The following HOMER2 variants were observed in gnomAD, a reference collection of about 807,000 sequenced individuals.
The protein encoded by HOMER2 is homer scaffold protein 2.
A neutral mutation model predicts 47.0 loss-of-function variants in HOMER2; 27 were observed. The ratio of observed to expected loss-of-function variants is 0.57; its 90% CI spans 0.42 to 0.79. The LOEUF is 0.79. Ranked by LOEUF, HOMER2 falls within the 30% of genes least tolerant of loss-of-function variation. The pLI, the probability that HOMER2 is intolerant of heterozygous loss-of-function variation, is 0.00. For synonymous variants in HOMER2, 161 were observed against 163.8 expected (o/e 0.98, Z 0.13); for missense variants, 443 against 435.0 (o/e 1.02, Z -0.16).
exon 2 of HOMER2, chr15:82,958,571 G>A (rs980423454): frequency 1.3e-5 from 2 of 152,316 alleles, no homozygotes; most frequent in Non-Finnish European, 2.9e-5. Context: ...TAGCTTCTCT[G>A]GCAGCAGATG....
At chr15:82,874,570 G>C (rs2052282880) in intron 3 of HOMER2, among the ~76,000 whole-genome samples, 2 of 152,078 alleles carry the variant, frequency 1.3e-5, no homozygotes, top group Non-Finnish European at 2.9e-5. Flanking sequence ...ACCATCCAAG[G>C]AGTTTGTCCC....
intron 2 of HOMER2, among the ~76,000 whole-genome samples, chr15:82,889,384 C>T (rs938464856): frequency 1.3e-5 from 2 of 152,156 alleles, no homozygotes; most frequent in African/African-American, 4.8e-5. Context: ...GAGCTCCAGG[C>T]TTGGGTAGCC....
chr15:82,906,769 G>A (rs989672751), intron 1 of HOMER2, among the ~76,000 whole-genome samples: 1 of 152,102 alleles, frequency 6.6e-6, no homozygotes, highest in South Asian at 2.1e-4. Flanking sequence ...GACACATATA[G>A]ATTAAAAGCA....
At chr15:82,947,188 C>G (rs1346234491) in intron 1 of HOMER2, among the ~76,000 whole-genome samples, 2 of 152,182 alleles carry the variant, frequency 1.3e-5, no homozygotes, top group East Asian at 3.8e-4. Flanking sequence ...ACAAACTCAC[C>G]TCAACATATC....
intron 1 of HOMER2, among the ~76,000 whole-genome samples, chr15:82,911,752 C>T (rs958564834): frequency 4.6e-5 from 7 of 152,240 alleles, no homozygotes; most frequent in South Asian, 4.2e-4. Flanking sequence ...ATTTCACGGC[C>T]GGGTGAGGTG....
At chr15:82,897,342 G>A (rs145150278) in intron 1 of HOMER2, among the ~76,000 whole-genome samples, 5,484 of 152,060 alleles carry the variant, frequency 0.036, 317 homozygotes, top group African/African-American at 0.13. Flanking sequence ...GGGATTACAG[G>A]CTTGAGCCAC....
At chr15:82,976,050 C>G (rs953076798) in intron 1 of HOMER2, among the ~76,000 whole-genome samples, 1 of 152,156 alleles carries the variant, frequency 6.6e-6, no homozygotes, top group Admixed American at 6.5e-5. Flanking sequence ...AATGGTCAGT[C>G]TGCATCCTCT....
At chr15:82,852,950 C>T (rs1295071217) in intron 6 of HOMER2, among the ~76,000 whole-genome samples, 1 of 152,196 alleles carries the variant, frequency 6.6e-6, no homozygotes, top group Non-Finnish European at 1.5e-5. Context: ...TCTCACACTG[C>T]CATTGAATGC....
intron 5 of HOMER2, among the ~76,000 whole-genome samples, chr15:82,856,537 C>G (rs888974938): frequency 6.6e-6 from 1 of 151,894 alleles, no homozygotes; most frequent in Non-Finnish European, 1.5e-5. Flanking sequence ...GGGGATCAGT[C>G]GAGCCCAGGA....
intron 1 of HOMER2, among the ~76,000 whole-genome samples, chr15:82,914,286 G>A (rs896207104): frequency 3.5e-4 from 53 of 150,676 alleles, no homozygotes; most frequent in African/African-American, 1.3e-3. Context: ...GCTGAGGCAG[G>A]AGAACAGCGT....
chr15:82,933,303 T>G (rs1654891023), intron 1 of HOMER2, among the ~76,000 whole-genome samples: 1 of 152,238 alleles, frequency 6.6e-6, no homozygotes, highest in Non-Finnish European at 1.5e-5. Flanking sequence ...CATGGCTCAC[T>G]GCAGCCTCGA....
intron 3 of HOMER2, among the ~76,000 whole-genome samples, chr15:82,869,586 T>C (rs1184849100): frequency 6.7e-6 from 1 of 148,590 alleles, no homozygotes; most frequent in Non-Finnish European, 1.5e-5. Flanking sequence ...GCCTCCCAAG[T>C]AGCTGGGATT....
At chr15:82,900,291 C>G (rs552088304) in intron 1 of HOMER2, among the ~76,000 whole-genome samples, 127 of 152,110 alleles carry the variant, frequency 8.3e-4, no homozygotes, top group African/African-American at 3.0e-3. Context: ...ATAGCAAGAC[C>G]CATTTTTTAA....
intron 1 of HOMER2, among the ~76,000 whole-genome samples, chr15:82,961,721 A>G (rs2054632036): frequency 6.6e-6 from 1 of 152,148 alleles, no homozygotes; most frequent in Non-Finnish European, 1.5e-5. Context: ...TTATTGTGCA[A>G]TCCTCACCAC....
intron 1 of HOMER2, among the ~76,000 whole-genome samples, chr15:82,901,061 A>G (rs1161735114): frequency 2.6e-5 from 4 of 152,144 alleles, no homozygotes; most frequent in African/African-American, 9.7e-5. Context: ...GGAGCTTTGA[A>G]CATACATTCT....
At chr15:82,899,603 A>C (rs577596627) in intron 1 of HOMER2, among the ~76,000 whole-genome samples, 5 of 152,358 alleles carry the variant, frequency 3.3e-5, no homozygotes, top group African/African-American at 1.2e-4. Flanking sequence ...AGAATTGCAC[A>C]TAGAGAACAC....
chr15:82,835,932 G>A (rs991865321), downstream of HOMER2: 4 of 152,236 alleles, frequency 2.6e-5, no homozygotes, highest in Non-Finnish European at 5.9e-5. Flanking sequence ...ATATTTTGCA[G>A]TTTGGCATTG....
chr15:82,960,642 G>A (rs891563510), intron 1 of HOMER2, among the ~76,000 whole-genome samples: 8 of 152,178 alleles, frequency 5.3e-5, no homozygotes, highest in African/African-American at 1.7e-4. Flanking sequence ...AAACAAGTGG[G>A]TTTTCAATTC....
chr15:82,914,905 T>G (rs992020000), intron 1 of HOMER2, among the ~76,000 whole-genome samples: 1 of 151,894 alleles, frequency 6.6e-6, no homozygotes, highest in African/African-American at 2.4e-5. Flanking sequence ...CAGATGGAGG[T>G]GGGCACAGTG....
Sources: gnomAD v4.1 joint callset for allele counts (sites outside exome capture counted in the v4.1 genomes callset) on GRCh38, gnomAD v4.1.1 for gene constraint, MANE v1.5 for transcripts, NCBI Gene and HGNC (gene_info 2026-07-23, HGNC 2026-07-21) for gene names.